Variants in SH3RF2 observed in about 807,000 individuals in gnomAD.
SH3RF2 encodes the protein SH3 domain containing ring finger 2.
In SH3RF2, 43 loss-of-function variants were observed where a neutral mutation model predicts 59.0. That is an observed-to-expected ratio of 0.73 (90% confidence interval 0.57 to 0.94). The LOEUF (loss-of-function observed/expected upper bound fraction) is 0.94, where lower values mean the gene tolerates loss of function less well. SH3RF2 is among the 40% of genes least tolerant of loss of function. The pLI is 0.00. For missense variants in SH3RF2, 930 were observed against 940.1 expected, an observed-to-expected ratio of 0.99 and a Z score of 0.14; for synonymous variants, 391 against 391.5, an observed-to-expected ratio of 1.00 and a Z score of 0.01.
In SH3RF2 at chr5:146,000,184, G is replaced by A; in HGVS notation, c.505G>A (p.Gly169Ser). The change falls in exon 3 of 10, where the codon GGC (glycine) becomes AGC (serine). Residue 169 changes from glycine (G) to serine (S), a missense_variant. By Grantham distance (56) the Gly-to-Ser change is moderately conservative (BLOSUM62 0). Coordinates refer to ENST00000359120, the MANE Select transcript of SH3RF2 (RefSeq NM_152550.4). The part of the protein sequence containing the change: ...DENWYQGEIN[G>S]ISGNFPASSV... ...GAATTGGTACCAGGGGGAAATCAAT[G>A]GCATCAGCGGGAACTTCCCAGCCAG... 6.2e-7 allele frequency: 1 copy of A among 1,613,654 alleles called. No individual in the cohort carries two copies. The highest frequency in any genetic ancestry group is 8.5e-7 in the Non-Finnish European group (1 of 1,179,824).
At chr5:146,072,329 G>A (rs17104222) in intron 9 of SH3RF2, among the ~76,000 whole-genome samples, 5,287 of 152,256 alleles carry the variant, frequency 0.035, 305 homozygotes, top group African/African-American at 0.12. Flanking sequence ...AAGTTTGCAG[G>A]ATGACATGGG....
At chr5:146,012,196 T>C (rs1760931517) in intron 4 of SH3RF2, among the ~76,000 whole-genome samples, 1 of 152,176 alleles carries the variant, frequency 6.6e-6, no homozygotes, top group South Asian at 2.1e-4. Flanking sequence ...TTGATTTGCG[T>C]ATGTTGAACC....
Position 146,004,109 on chromosome 5 carries a change from A to G in SH3RF2, c.700A>G (p.Lys234Glu), listed in dbSNP as rs1760535544. The change falls in exon 4 of 10, where the codon AAG (lysine) becomes GAG (glutamate). Residue 234 changes from lysine (K) to glutamate (E), a missense_variant. By Grantham distance (56) the Lys-to-Glu change is moderately conservative (BLOSUM62 1). Coordinates refer to ENST00000359120, the MANE Select transcript of SH3RF2 (RefSeq NM_152550.4). The stretch of plus-strand genomic sequence containing the variant: ...AGTGGATGAGAACTGGGCAGAAGGC[A>G]AGTTAGGAGATAAAGTAGGCATCTT... ...SRVDENWAEG[K>E]LGDKVGIFPI... 6.2e-6 allele frequency: 10 copies of G among 1,613,178 alleles called. No homozygotes were observed. The highest frequency in any genetic ancestry group is 1.3e-5 in the African/African-American group (1 of 75,034).
At chr5:145,953,189 T>G (rs1471202689) in intron 2 of SH3RF2, among the ~76,000 whole-genome samples, 1 of 151,926 alleles carries the variant, frequency 6.6e-6, no homozygotes, top group Non-Finnish European at 1.5e-5. Context: ...GTCTGCTATA[T>G]AAACTAAATA....
intron 2 of SH3RF2, among the ~76,000 whole-genome samples, chr5:145,980,619 A>C (rs1759471632): frequency 6.6e-6 from 1 of 152,202 alleles, no homozygotes. Flanking sequence ...TAGGATTTTT[A>C]GGATTTGTAA....
intron 4 of SH3RF2, among the ~76,000 whole-genome samples, chr5:146,010,145 T>TG (rs1760818267): frequency 6.6e-6 from 1 of 152,158 alleles, no homozygotes; most frequent in South Asian, 2.1e-4. Context: ...TTTTGGTCCT[T>TG]GCGATAGTTT....
At chr5:145,969,110 G>A (rs557569461) in intron 2 of SH3RF2, among the ~76,000 whole-genome samples, 2 of 152,078 alleles carry the variant, frequency 1.3e-5, no homozygotes, top group East Asian at 3.9e-4. Flanking sequence ...CATGGCCAAG[G>A]GTGTGCAAAT....
At chr5:146,036,859 AG>A (rs1761953096) in intron 5 of SH3RF2, among the ~76,000 whole-genome samples, 2 of 152,220 alleles carry the variant, frequency 1.3e-5, no homozygotes. Context: ...CAGGGATGGA[AG>A]CCTCAGGATC....
At chr5:146,023,658 A>G (rs1561747946) in intron 5 of SH3RF2, among the ~76,000 whole-genome samples, 1 of 152,208 alleles carries the variant, frequency 6.6e-6, no homozygotes, top group Non-Finnish European at 1.5e-5. Context: ...GGCTTTTAAT[A>G]TATTTACACA....
chr5:146,054,269 A>C (rs530104286), intron 7 of SH3RF2, among the ~76,000 whole-genome samples: 2 of 152,310 alleles, frequency 1.3e-5, no homozygotes, highest in East Asian at 1.9e-4. Context: ...GCTCAGAAAA[A>C]TGAGGTCACA....
chr5:146,002,536 GGAT>G (rs1171990025), intron 3 of SH3RF2, among the ~76,000 whole-genome samples: 1 of 143,404 alleles, frequency 7.0e-6, no homozygotes, highest in Non-Finnish European at 1.5e-5. Context: ...AAGGAAGGAA[GGAT>G]AACCTATAAA....
chr5:145,956,311 T>A (rs1758403424), intron 2 of SH3RF2, among the ~76,000 whole-genome samples: 1 of 152,200 alleles, frequency 6.6e-6, no homozygotes, highest in East Asian at 1.9e-4. Flanking sequence ...AGAGTGAGAC[T>A]GTCACCCAGG....
chr5:145,981,410 T>C (rs1759500114), intron 2 of SH3RF2, among the ~76,000 whole-genome samples: 1 of 152,172 alleles, frequency 6.6e-6, no homozygotes, highest in Non-Finnish European at 1.5e-5. Context: ...GTCTCATAAT[T>C]TTTTGATGGT....
chr5:146,057,211 C>G (rs1211487131), intron 8 of SH3RF2, among the ~76,000 whole-genome samples: 3 of 152,144 alleles, frequency 2.0e-5, no homozygotes, highest in Admixed American at 6.5e-5. Context: ...GAAAGATCTC[C>G]CCTTAAAAAG....
At chr5:146,045,121 T>A (rs899928491) in intron 5 of SH3RF2, among the ~76,000 whole-genome samples, 1 of 152,202 alleles carries the variant, frequency 6.6e-6, no homozygotes, top group Admixed American at 6.5e-5. Context: ...TTCCAACAGT[T>A]TCCACATACA....
chr5:146,007,682 T>G (rs1008499472), intron 4 of SH3RF2, among the ~76,000 whole-genome samples: 1 of 152,192 alleles, frequency 6.6e-6, no homozygotes, highest in African/African-American at 2.4e-5. Context: ...GATTATTCAT[T>G]TGGATACAGT....
At chr5:146,034,867 G>A (rs1046270559) in intron 5 of SH3RF2, among the ~76,000 whole-genome samples, 3 of 152,170 alleles carry the variant, frequency 2.0e-5, no homozygotes, top group African/African-American at 4.8e-5. Context: ...AGAACTTTGG[G>A]AGGCCAAGGC....
chr5:146,072,064 G>A (rs1763250985), intron 9 of SH3RF2, among the ~76,000 whole-genome samples: 1 of 152,194 alleles, frequency 6.6e-6, no homozygotes, highest in African/African-American at 2.4e-5. Context: ...TTTGAAAAAT[G>A]AGCAGCACAG....
At chr5:145,939,639 T>C (rs773533783) in intron 2 of SH3RF2, among the ~76,000 whole-genome samples, 1 of 152,200 alleles carries the variant, frequency 6.6e-6, no homozygotes, top group Non-Finnish European at 1.5e-5. Flanking sequence ...GGTTTGGAAC[T>C]CTTTTTAAGT....
Sources: gnomAD v4.1 joint callset for allele counts (sites outside exome capture counted in the v4.1 genomes callset) on GRCh38, gnomAD v4.1.1 for gene constraint, MANE v1.5 for transcripts, NCBI Gene and HGNC (gene_info 2026-07-23, HGNC 2026-07-21) for gene names.